Variants in LRRC9 observed in about 807,000 individuals in gnomAD.
LRRC9 encodes the protein leucine-rich repeat-containing protein 9.
Under a neutral mutation model 63.2 loss-of-function variants are expected in LRRC9, and 122 were observed. That is an observed-to-expected ratio of 1.93 (90% CI 1.67 to 2.24). LRRC9 has a LOEUF of 2.24. LRRC9 is among the 30% of genes most tolerant of loss of function. The pLI, the probability that LRRC9 is intolerant of heterozygous loss-of-function variation, is 0.00. For missense variants in LRRC9, 1,071 were observed against 627.7 expected (o/e 1.71, Z -7.55); for synonymous variants, 366 against 213.1 (o/e 1.72, Z -6.25).
chr14:60,063,570 T>G (rs1894792524), downstream of LRRC9: 3 of 450,014 alleles, frequency 6.7e-6, no homozygotes, highest in East Asian at 1.0e-4. Flanking sequence ...TTTATGGTTA[T>G]CTTTAGTTAT....
At chr14:60,062,917 G>A (rs998090623) in intron 31 of LRRC9, among the ~76,000 whole-genome samples, 4 of 149,358 alleles carry the variant, frequency 2.7e-5, no homozygotes, top group African/African-American at 7.4e-5. Context: ...TTGAGACAGA[G>A]TTTCACTCTT....
chr14:60,056,622 T>A (rs1365200288), intron 30 of LRRC9, among the ~76,000 whole-genome samples: 2 of 152,208 alleles, frequency 1.3e-5, no homozygotes, highest in African/African-American at 4.8e-5. Context: ...TCAACTTAGT[T>A]ATTCCGTATG....
chr14:60,018,328 G>C, intron 24 of LRRC9, 43 bp from the exon 25 acceptor site: 1 of 697,628 alleles, frequency 1.4e-6, no homozygotes, highest in Non-Finnish European at 2.6e-6. Context: ...ATATTTTCCT[G>C]TCCTATTAAA....
At chr14:59,974,107 A>G (rs1399171607) in intron 12 of LRRC9, among the ~76,000 whole-genome samples, 3 of 152,146 alleles carry the variant, frequency 2.0e-5, no homozygotes, top group African/African-American at 7.2e-5. Flanking sequence ...AGTTAGTCAC[A>G]ATACAAACTA....
intron 1 of LRRC9, among the ~76,000 whole-genome samples, chr14:59,920,629 G>T (rs1161971950): frequency 6.6e-6 from 1 of 151,976 alleles, no homozygotes; most frequent in Non-Finnish European, 1.5e-5. Context: ...GACCATCAGT[G>T]GTAACTGATG....
intron 17 of LRRC9, among the ~76,000 whole-genome samples, chr14:59,991,739 C>A (rs573953439): frequency 6.6e-6 from 1 of 152,198 alleles, no homozygotes; most frequent in East Asian, 1.9e-4. Flanking sequence ...AGTCTGAGAT[C>A]AAACTGCAAG....
At chr14:60,024,951 G>A (rs1022485946) in intron 27 of LRRC9, among the ~76,000 whole-genome samples, 6 of 151,898 alleles carry the variant, frequency 4.0e-5, no homozygotes, top group African/African-American at 1.5e-4. Flanking sequence ...AGCTCACTGA[G>A]GATAATGGCC....
At chr14:60,039,973 T>C (rs1260952624) in intron 29 of LRRC9, among the ~76,000 whole-genome samples, 1 of 151,978 alleles carries the variant, frequency 6.6e-6, no homozygotes, top group Non-Finnish European at 1.5e-5. Context: ...GCCTTTGTTC[T>C]CATTGGTTTC....
chr14:60,065,940 C>A (rs1426445232), downstream of LRRC9, among the ~76,000 whole-genome samples: 1 of 151,908 alleles, frequency 6.6e-6, no homozygotes, highest in Non-Finnish European at 1.5e-5. Context: ...ATAAAATTAA[C>A]TGCGATTAAT....
rs940748096 is a variant in LRRC9, at chr14:60,004,378, C to T, written c.2842+580C>T. 6.6e-6 allele frequency among the ~76,000 whole-genome samples: 1 copy of T among 152,058 alleles called. No individual in the cohort carries two copies. The highest frequency in any genetic ancestry group is 2.4e-5 in the African/African-American group (1 of 41,416). On this transcript the variant is annotated intron_variant, in intron 21 of 31. Transcript: ENST00000445360. This position sits in a 1 kb window ranked among gnomAD's most constrained non-coding sequence, Gnocchi z 4.8. ...TAACAAGAAATGAAAATTATACTCA[C>T]TAGAGGTTGAAAATAAAATATACTA...
chr14:59,933,076 G>T (rs1160519367), intron 6 of LRRC9, among the ~76,000 whole-genome samples: 1 of 152,118 alleles, frequency 6.6e-6, no homozygotes, highest in East Asian at 1.9e-4. Flanking sequence ...TATGGCCTTT[G>T]CACTTGCTGG....
intron 17 of LRRC9, among the ~76,000 whole-genome samples, chr14:59,989,822 C>T (rs905827977): frequency 3.9e-5 from 6 of 152,020 alleles, no homozygotes; most frequent in Non-Finnish European, 5.9e-5. Flanking sequence ...TCTAACTTCA[C>T]AGATCTTCCT....
chr14:59,955,894 T>C (rs140826805), intron 8 of LRRC9, among the ~76,000 whole-genome samples: 1,707 of 152,330 alleles, frequency 0.011, 36 homozygotes, highest in Non-Finnish European at 0.013. Flanking sequence ...AATTTTGTTA[T>C]TTTCCCAGTA....
intron 8 of LRRC9, among the ~76,000 whole-genome samples, chr14:59,955,724 G>A (rs551927962): frequency 2.8e-4 from 42 of 152,202 alleles, no homozygotes; most frequent in African/African-American, 7.9e-4. Context: ...TCTCTTAATT[G>A]TGATGTTAGG....
In LRRC9 at chr14:60,058,630, C is replaced by T. The variant is rs1894448919; in HGVS notation, c.4276+608C>T. On this transcript the variant is annotated intron_variant, in intron 31 of 31. Transcript: ENST00000445360. This position sits in a 1 kb window ranked among gnomAD's most constrained non-coding sequence, Gnocchi z 4.4. ...AGAATAAGCCTGTTCCCTAATTCCA[C>T]ATCTTTTCTGGTTATCATTTTGGCA... Among the ~76,000 whole-genome samples the T allele has an allele frequency of 6.6e-6, 1 of 152,160 alleles. No homozygotes were observed. Among genetic ancestry groups the T allele is most frequent in the African/African-American group, 2.4e-5 (1 of 41,446 alleles).
exon 26 of LRRC9, chr14:60,019,165 A>C (rs1473764332): frequency 1.4e-6 from 1 of 699,936 alleles, no homozygotes; most frequent in South Asian, 1.5e-5. Flanking sequence ...TCATGCCCAG[A>C]CTAAAGCCTC....
chr14:59,939,927 T>A (rs1054332943), intron 7 of LRRC9, among the ~76,000 whole-genome samples: 3 of 152,000 alleles, frequency 2.0e-5, no homozygotes, highest in Non-Finnish European at 4.4e-5. Flanking sequence ...ATATGAGAAT[T>A]GAAAGCAGAA....
Position 60,050,362 on chromosome 14 carries a change from T to C in LRRC9, c.3991-2703T>C, listed in dbSNP as rs183665123. Among the ~76,000 whole-genome samples the C allele has an allele frequency of 2.0e-3, 300 of 152,294 alleles. 1 individual carries two copies. The Middle Eastern group carries it at 0.02, about 10-fold the overall frequency. ...TTTCACTGCCTGGTCTATTCTGCTA[T>C]TGATATTTATGATTGCATTGTAAAG... On this transcript the variant is annotated intron_variant, in intron 29 of 31. Transcript: ENST00000445360.
chr14:60,012,439 G>T (rs565176517), intron 23 of LRRC9, among the ~76,000 whole-genome samples: 2 of 152,076 alleles, frequency 1.3e-5, no homozygotes, highest in African/African-American at 2.4e-5. Context: ...TTGTTCCTAT[G>T]TACTTTTATT....
Sources: gnomAD v4.1 joint callset for allele counts (sites outside exome capture counted in the v4.1 genomes callset) on GRCh38, gnomAD v4.1.1 for gene constraint, Gnocchi (gnomAD v3.1) non-coding constraint, MANE v1.5 for transcripts, NCBI Gene and HGNC (gene_info 2026-07-23, HGNC 2026-07-21) for gene names.